The following RHEB variants were observed in gnomAD, a reference collection of about 807,000 sequenced individuals.
The protein encoded by RHEB is Ras homolog, mTORC1 binding.
Under a neutral mutation model 28.8 loss-of-function variants are expected in RHEB, and 2 were observed. That is an observed-to-expected ratio of 0.07 (90% CI 0.03 to 0.22). RHEB has a LOEUF of 0.22. RHEB is among the 10% of genes least tolerant of loss of function. RHEB has a pLI of 1.00. For missense variants in RHEB, 76 were observed against 219.9 expected, an observed-to-expected ratio of 0.35 and a Z score of 4.14; for synonymous variants, 69 against 77.3, an observed-to-expected ratio of 0.89 and a Z score of 0.56.
chr7:151,502,680 A>C (rs1802793826), intron 1 of RHEB: 5 of 1,610,430 alleles, frequency 3.1e-6, no homozygotes, highest in Non-Finnish European at 4.2e-6. Context: ...GAAACACAAG[A>C]GAAGTCCTGC....
rs1802785822 is a variant in RHEB, at chr7:151,502,237, A to AG, written c.53-11224_53-11223insC. The AG allele has an allele frequency of 5.8e-6, 3 of 516,792 alleles. No individual in the cohort carries two copies. In the African/African-American group the frequency reaches 5.9e-5, roughly 10 times the overall value. 32.0% of individuals were successfully genotyped at this position (516,792 alleles called of 1,614,324 possible). A position where few individuals can be genotyped will look rare whatever the true frequency, so the allele number is the denominator to read the frequency against. ...GGCGACAGAGCTGTCTCAAAAAAAA[A>AG]AAAAAAAAAAGGAGCTTGGAGGCAG... On this transcript the variant is annotated intron_variant, in intron 1 of 7. Coordinates refer to ENST00000262187, the MANE Select transcript of RHEB (RefSeq NM_005614.4).
At chr7:151,517,690 C>CAAA (rs554116118) in intron 1 of RHEB, among the ~76,000 whole-genome samples, 5 of 76,814 alleles carry the variant, frequency 6.5e-5, no homozygotes, top group African/African-American at 1.7e-4. Context: ...CTTCTGTAGC[C>CAAA]AAAAAAAAAA....
At chr7:151,477,536 T>C in intron 3 of RHEB, 121 bp from the exon 4 acceptor site, 2 of 617,612 alleles carry the variant, frequency 3.2e-6, no homozygotes, top group Non-Finnish European at 2.8e-6. Flanking sequence ...ATTACAATAT[T>C]ATGCCAGAAA....
chr7:151,491,690 T>C (rs1027101153), intron 1 of RHEB, among the ~76,000 whole-genome samples: 6 of 151,552 alleles, frequency 4.0e-5, no homozygotes, highest in Non-Finnish European at 8.8e-5. Flanking sequence ...TGGGCCAAGA[T>C]TGCACCACTG....
Position 151,468,400 on chromosome 7 carries a change from G to A in RHEB, c.463-1189C>T, listed in dbSNP as rs1802102240. Among the ~76,000 whole-genome samples the A allele has an allele frequency of 6.6e-6, 1 of 152,106 alleles. No homozygotes were observed. The highest frequency in any genetic ancestry group is 1.5e-5 in the Non-Finnish European group (1 of 68,012). ...TTCCCTACCAACTGTCGCTGGCACG[G>A]TGCCCGCGGCCACACCGTAAACGCT... On this transcript the variant is annotated intron_variant, in intron 7 of 7. Coordinates refer to ENST00000262187, the MANE Select transcript of RHEB (RefSeq NM_005614.4). The surrounding 1 kb of genome is among the most constrained non-coding windows in gnomAD (Gnocchi z 4.3).
chr7:151,492,146 C>G (rs1291875191), intron 1 of RHEB, among the ~76,000 whole-genome samples: 1 of 152,184 alleles, frequency 6.6e-6, no homozygotes, highest in Non-Finnish European at 1.5e-5. Context: ...TACTTAACTC[C>G]ATCACAACAG....
In RHEB at chr7:151,507,131, GA is replaced by G. The variant is rs573993317; in HGVS notation, c.52+12328del. 5.9e-3 allele frequency among the ~76,000 whole-genome samples: 900 copies of G among 152,192 alleles called. 7 individuals carry two copies. Among genetic ancestry groups the G allele is most frequent in the African/African-American group, 0.021 (856 of 41,510 alleles). ...AAGCAGACTTGGTTTGTAAACGGCA[GA>G]AAAAAGACTGCAGACTCACCTGGCT... On this transcript the variant is annotated intron_variant, in intron 1 of 7. Coordinates refer to ENST00000262187, the MANE Select transcript of RHEB (RefSeq NM_005614.4).
At chr7:151,477,549 G>T in intron 3 of RHEB, 134 bp from the exon 4 acceptor site, 1 of 585,890 alleles carries the variant, frequency 1.7e-6, no homozygotes, top group Non-Finnish European at 3.0e-6. Flanking sequence ...GCCAGAAACA[G>T]CCTACAAAGT....
Position 151,510,021 on chromosome 7 carries a change from C to G in RHEB, c.52+9439G>C, listed in dbSNP as rs1349135794. ...TCATCGTCTTATTTGTTGCTTAAAA[C>G]CCTTCAGTCACTTCCCACAGTTTCT... On this transcript the variant is annotated intron_variant, in intron 1 of 7. Transcript: ENST00000262187. 5.0e-4 allele frequency among the ~76,000 whole-genome samples: 76 copies of G among 152,262 alleles called. 2 individuals carry two copies. Among genetic ancestry groups the G allele is most frequent in the Admixed American group, 4.8e-3 (74 of 15,298 alleles).
intron 1 of RHEB, among the ~76,000 whole-genome samples, chr7:151,496,867 C>T (rs1398497102): frequency 6.6e-6 from 1 of 151,942 alleles, no homozygotes; most frequent in Admixed American, 6.6e-5. Flanking sequence ...GTAAGCTCCG[C>T]CTCCCAGGTT....
At chr7:151,503,402 T>C in intron 1 of RHEB, 3 of 1,157,676 alleles carry the variant, frequency 2.6e-6, no homozygotes, top group Non-Finnish European at 3.9e-6. Context: ...CAGTACCGAG[T>C]AGATTTCCAG....
chr7:151,518,876 G>A (rs369047423), intron 1 of RHEB, among the ~76,000 whole-genome samples: 1 of 152,188 alleles, frequency 6.6e-6, no homozygotes, highest in South Asian at 2.1e-4. Context: ...CTCTTTTGGG[G>A]GATCGCCTAG....
chr7:151,505,009 C>A (rs1802841925), intron 1 of RHEB, among the ~76,000 whole-genome samples: 1 of 143,634 alleles, frequency 7.0e-6, no homozygotes, highest in African/African-American at 2.6e-5. Flanking sequence ...GAGACCTAAA[C>A]ATAAAAGCTA....
At chr7:151,503,525 T>C in intron 1 of RHEB, 2 of 727,912 alleles carry the variant, frequency 2.7e-6, no homozygotes, top group Admixed American at 2.2e-5. Context: ...ATACCCATGG[T>C]GGAATTCTAA....
At chr7:151,487,672 T>C (rs866286925) in intron 2 of RHEB, among the ~76,000 whole-genome samples, 1 of 152,154 alleles carries the variant, frequency 6.6e-6, no homozygotes, top group Non-Finnish European at 1.5e-5. Context: ...AAGGGAGGTA[T>C]AATAAGAGAT....
intron 2 of RHEB, among the ~76,000 whole-genome samples, chr7:151,489,952 G>C (rs1045860599): frequency 2.0e-5 from 3 of 152,208 alleles, no homozygotes; most frequent in South Asian, 2.1e-4. Flanking sequence ...GGTGAAATAT[G>C]CTTCGTGTCT....
At chr7:151,498,488 G>A (rs1420719450) in intron 1 of RHEB, among the ~76,000 whole-genome samples, 1 of 152,140 alleles carries the variant, frequency 6.6e-6, no homozygotes, top group Non-Finnish European at 1.5e-5. Context: ...TTAGCAGGGT[G>A]TGGTAGTGCA....
chr7:151,475,121 C>T (rs1802250248), intron 4 of RHEB, among the ~76,000 whole-genome samples: 1 of 152,170 alleles, frequency 6.6e-6, no homozygotes, highest in Non-Finnish European at 1.5e-5. Context: ...TGCACTAGGC[C>T]AGTGTTTTCT....
Position 151,466,337 on chromosome 7 carries a change from C to G in RHEB, c.*782G>C, listed in dbSNP as rs67117953. ...ATCATCTCCTGTCTGACACGGACAT[C>G]GAGCTAAGCTATGAGCAAGGGCGAA... is the stretch of plus-strand genomic sequence containing the variant. On this transcript the variant is annotated 3_prime_UTR_variant, in exon 8 of 8. Coordinates refer to ENST00000262187, the MANE Select transcript of RHEB (RefSeq NM_005614.4). 2,475 of 152,402 alleles carry G rather than the reference C, an allele frequency of 0.016. 49 individuals carry two copies. The highest frequency in any genetic ancestry group is 0.02 in the Non-Finnish European group (1,385 of 68,074). The allele number at this position is 152,402 out of a possible 1,614,324, so 9.4% of individuals were successfully genotyped here.
Sources: allele counts gnomAD v4.1 joint callset (sites outside exome capture counted in the v4.1 genomes callset), GRCh38; gene constraint gnomAD v4.1.1; non-coding constraint Gnocchi (gnomAD v3.1); transcripts MANE v1.5; gene names NCBI Gene and HGNC (gene_info 2026-07-23, HGNC 2026-07-21).